Variants in GSE1 observed in about 807,000 individuals in gnomAD.
GSE1 encodes genetic suppressor element 1.
In GSE1, 32 loss-of-function variants were observed where a neutral mutation model predicts 112.6. The observed-to-expected ratio is 0.28, with a 90% CI of 0.21 to 0.38. The LOEUF (loss-of-function observed/expected upper bound fraction) is 0.38. Among genes scored for constraint, GSE1 ranks in the 10% least tolerant of loss-of-function variants. The pLI is 1.00. For synonymous variants in GSE1, 1,115 were observed against 735.6 expected (o/e 1.52, Z -8.35); for missense variants, 2,348 against 1,699.2 (o/e 1.38, Z -6.71).
intron 2 of GSE1, among the ~76,000 whole-genome samples, chr16:85,645,795 A>G (rs1048809787): frequency 2.0e-5 from 3 of 152,198 alleles, no homozygotes; most frequent in Admixed American, 1.3e-4. Flanking sequence ...TGGAAAGGGC[A>G]TCTACCTGCT....
chr16:85,345,935 A>G (rs2046724809), intron 1 of GSE1, among the ~76,000 whole-genome samples: 2 of 150,554 alleles, frequency 1.3e-5, no homozygotes, highest in South Asian at 2.1e-4. Context: ...GGATGGACAG[A>G]TAGATAGATG....
intron 1 of GSE1, among the ~76,000 whole-genome samples, chr16:85,192,655 C>G (rs2074847447): frequency 6.6e-6 from 1 of 152,184 alleles, no homozygotes; most frequent in African/African-American, 2.4e-5. Flanking sequence ...GGAGCCTAAG[C>G]TCGTCGGGCA....
intron 1 of GSE1, among the ~76,000 whole-genome samples, chr16:85,209,177 C>T (rs150204925): frequency 6.6e-6 from 1 of 152,174 alleles, no homozygotes; most frequent in Non-Finnish European, 1.5e-5. Flanking sequence ...CACTGTGGCC[C>T]TGGCCTGCAG....
chr16:85,378,491 TC>T (rs914496576), intron 2 of GSE1, among the ~76,000 whole-genome samples: 2 of 152,120 alleles, frequency 1.3e-5, no homozygotes, highest in Non-Finnish European at 2.9e-5. Flanking sequence ...CTCCCTGACT[TC>T]CCCCAGGGCC....
intron 1 of GSE1, chr16:85,595,147 C>CT (rs1313306683): frequency 2.0e-5 from 3 of 152,378 alleles, no homozygotes; most frequent in Non-Finnish European, 4.4e-5. Context: ...CCCGCACAGG[C>CT]TGGGACATTC....
intron 2 of GSE1, among the ~76,000 whole-genome samples, chr16:85,644,320 G>A (rs549806878): frequency 6.6e-6 from 1 of 150,882 alleles, no homozygotes; most frequent in Non-Finnish European, 1.5e-5. Flanking sequence ...GCCCAGCCTG[G>A]GCAGCAGAGT....
chr16:85,377,419 C>G (rs749753642), intron 2 of GSE1, among the ~76,000 whole-genome samples: 1 of 152,168 alleles, frequency 6.6e-6, no homozygotes, highest in Non-Finnish European at 1.5e-5. Context: ...TCCCTCAGAT[C>G]CCTGGGGAAA....
upstream of GSE1, chr16:85,613,064 G>T (rs953645656): frequency 2.5e-5 from 12 of 476,998 alleles, no homozygotes; most frequent in African/African-American, 2.5e-4. Context: ...GGGGAGGGGC[G>T]TGTGCCTGGG....
rs556190024 is a variant in GSE1, at chr16:85,297,728, C to G, written c.2284-59735C>G. On this transcript the variant is annotated intron_variant, in intron 1 of 2. Coordinates refer to the GSE1 transcript ENST00000637419. ...GGTCTCACTTTGTTGCCCAGCTGAT[C>G]TCAAACTCCTGGCCTCAAGGGATCC... Among the ~76,000 whole-genome samples, 5 of 152,300 alleles carry G rather than the reference C, an allele frequency of 3.3e-5. No homozygotes were observed. In the East Asian group the frequency reaches 7.7e-4, roughly 24 times the overall value.
At chr16:85,559,030 G>A (rs900071143) in intron 1 of GSE1, among the ~76,000 whole-genome samples, 1 of 152,158 alleles carries the variant, frequency 6.6e-6, no homozygotes, top group African/African-American at 2.4e-5. Flanking sequence ...GCTAATTTGT[G>A]TATTTTTAGT....
At chr16:85,619,442 C>G (rs951783745) in intron 1 of GSE1, among the ~76,000 whole-genome samples, 1 of 152,078 alleles carries the variant, frequency 6.6e-6, no homozygotes, top group Non-Finnish European at 1.5e-5. Flanking sequence ...GGGGCGCAGC[C>G]TTAAGGGCCA....
At chr16:85,361,626 G>A (rs1462595212) in intron 2 of GSE1, among the ~76,000 whole-genome samples, 1 of 152,206 alleles carries the variant, frequency 6.6e-6, no homozygotes, top group Non-Finnish European at 1.5e-5. Flanking sequence ...AACCGCCCAG[G>A]GCCGTCCGTT....
At chr16:85,258,340 C>T (rs575588753) in intron 1 of GSE1, among the ~76,000 whole-genome samples, 1 of 152,366 alleles carries the variant, frequency 6.6e-6, no homozygotes, top group African/African-American at 2.4e-5. Context: ...AGCATCTGTC[C>T]TGGCTCCGCA....
intron 1 of GSE1, among the ~76,000 whole-genome samples, chr16:85,273,741 G>A (rs1909081967): frequency 6.6e-6 from 1 of 152,046 alleles, no homozygotes; most frequent in African/African-American, 2.4e-5. Context: ...CCAGTCTGGA[G>A]TGCAGTGGTG....
Position 85,363,019 on chromosome 16 carries a change from T to C in GSE1, c.2464+5376T>C, listed in dbSNP as rs1456348299. On this transcript the variant is annotated intron_variant, in intron 2 of 2. Transcript: ENST00000637419. ...CCCAGCTAATTTTTTTGTATTTTAA[T>C]AGACATGGGGTTTCACCATGTTGCC... is the stretch of plus-strand genomic sequence containing the variant. 4.6e-5 allele frequency among the ~76,000 whole-genome samples: 7 copies of C among 151,998 alleles called. No homozygotes were observed. In the East Asian group the frequency reaches 1.2e-3, roughly 25 times the overall value.
intron 2 of GSE1, among the ~76,000 whole-genome samples, chr16:85,454,703 C>T (rs899758939): frequency 4.6e-5 from 7 of 152,292 alleles, no homozygotes; most frequent in African/African-American, 9.6e-5. Flanking sequence ...CTGGCGGTGC[C>T]GGCCATGCTT....
chr16:85,189,796 T>A (rs1221416152), intron 1 of GSE1, among the ~76,000 whole-genome samples: 2 of 152,238 alleles, frequency 1.3e-5, no homozygotes, highest in Non-Finnish European at 2.9e-5. Flanking sequence ...GTCAAATTAG[T>A]TGATAAAACT....
intron 1 of GSE1, among the ~76,000 whole-genome samples, chr16:85,264,067 C>T (rs954781437): frequency 1.3e-5 from 2 of 152,098 alleles, no homozygotes; most frequent in Non-Finnish European, 2.9e-5. Flanking sequence ...CTACCAGATA[C>T]AGAAGGCGGG....
At chr16:85,654,760 C>A in intron 4 of GSE1, 34 bp from the exon 5 acceptor site, 9 of 1,409,732 alleles carry the variant, frequency 6.4e-6, no homozygotes, top group Non-Finnish European at 9.0e-6. Context: ...GTGCACTCAC[C>A]TGTCCCCACC....
Sources: gnomAD v4.1 joint callset for allele counts (sites outside exome capture counted in the v4.1 genomes callset) on GRCh38, gnomAD v4.1.1 for gene constraint, MANE v1.5 for transcripts, NCBI Gene and HGNC (gene_info 2026-07-23, HGNC 2026-07-21) for gene names.